The following OCA2 variants were observed in gnomAD, a reference collection of about 807,000 sequenced individuals.
The protein encoded by OCA2 is OCA2 melanosomal transmembrane protein.
In OCA2, 77 loss-of-function variants were observed where a neutral mutation model predicts 100.2. That is an observed-to-expected ratio of 0.77 (90% confidence interval 0.64 to 0.93). The LOEUF (loss-of-function observed/expected upper bound fraction) is 0.93, where lower values mean the gene tolerates loss of function less well. Among genes scored for constraint, OCA2 ranks in the 40% least tolerant of loss-of-function variants. The probability of loss-of-function intolerance (pLI) is 0.00; values close to 1 mark genes in which losing one functional copy is unlikely to be tolerated. For synonymous variants in OCA2, 432 were observed against 439.2 expected, an observed-to-expected ratio of 0.98 and a Z score of 0.21; for missense variants, 1,062 against 1,089.1, an observed-to-expected ratio of 0.98 and a Z score of 0.35.
chr15:27,743,514 TCTGCCCAGGAAG>T, the OCA2 span, among the ~76,000 whole-genome samples: 3 of 152,134 alleles, frequency 2.0e-5, no homozygotes, highest in South Asian at 6.2e-4. Flanking sequence ...CTCTCCTCCG[TCTGCCCAGGAAG>T]CTTATTCCAG....
intron 14 of OCA2, among the ~76,000 whole-genome samples, chr15:27,976,000 G>A (rs1265186759): frequency 6.6e-6 from 1 of 152,012 alleles, no homozygotes; most frequent in Non-Finnish European, 1.5e-5. Flanking sequence ...GCGTATGTTT[G>A]GTCATATGCA....
chr15:27,796,063 G>A (rs147249835), intron 23 of OCA2, among the ~76,000 whole-genome samples: 20 of 152,326 alleles, frequency 1.3e-4, no homozygotes, highest in Non-Finnish European at 1.0e-4. Context: ...GCCTGGTTAC[G>A]TACTCCCAGA....
intron 9 of OCA2, among the ~76,000 whole-genome samples, chr15:27,995,081 T>A (rs1021756100): frequency 3.9e-5 from 6 of 152,188 alleles, no homozygotes; most frequent in African/African-American, 1.4e-4. Flanking sequence ...CTATCACAGT[T>A]ATAAATAAGT....
chr15:28,052,427 T>G (rs1386288978), intron 2 of OCA2, among the ~76,000 whole-genome samples: 1 of 152,188 alleles, frequency 6.6e-6, no homozygotes, highest in Middle Eastern at 3.2e-3. Context: ...TCACGCCTTC[T>G]GCTGAGAGGC....
At chr15:28,077,695 A>G (rs1284702889) in intron 2 of OCA2, among the ~76,000 whole-genome samples, 2 of 152,228 alleles carry the variant, frequency 1.3e-5, no homozygotes, top group African/African-American at 4.8e-5. Context: ...TCACGTCCCA[A>G]TATAAAATGA....
At chr15:27,871,963 AAAAT>A in intron 19 of OCA2, 41 bp from the exon 20 acceptor site, 9 of 1,407,186 alleles carry the variant, frequency 6.4e-6, no homozygotes, top group Non-Finnish European at 9.1e-6. Flanking sequence ...TTTAGAACCG[AAAAT>A]ATATGCAAGA....
chr15:27,994,500 AC>A (rs1187723797), intron 9 of OCA2, among the ~76,000 whole-genome samples: 5 of 152,052 alleles, frequency 3.3e-5, no homozygotes, highest in African/African-American at 1.2e-4. Flanking sequence ...CACAGAACGC[AC>A]CACCTAGCTT....
chr15:28,037,463 C>T (rs762971987), intron 2 of OCA2, among the ~76,000 whole-genome samples: 5 of 152,094 alleles, frequency 3.3e-5, no homozygotes, highest in Non-Finnish European at 5.9e-5. Flanking sequence ...AGAGACAGGC[C>T]GCAGACAGCA....
chr15:27,870,826 AAGAAAG>A (rs2036536083), intron 21 of OCA2, among the ~76,000 whole-genome samples: 1 of 150,572 alleles, frequency 6.6e-6, no homozygotes, highest in East Asian at 1.9e-4. Flanking sequence ...GAGAGAAAGA[AAGAAAG>A]AGAAAGAAAG....
intron 21 of OCA2, among the ~76,000 whole-genome samples, chr15:27,858,365 C>T (rs1260586015): frequency 1.4e-5 from 2 of 146,046 alleles, no homozygotes; most frequent in African/African-American, 5.1e-5. Flanking sequence ...TAGAGTGAAA[C>T]TCTGCCTCCA....
the OCA2 span, among the ~76,000 whole-genome samples, chr15:27,719,783 G>A: frequency 6.6e-6 from 1 of 152,196 alleles, no homozygotes; most frequent in Admixed American, 6.5e-5. Flanking sequence ...GATAGGAAGT[G>A]CAAGATTGGG....
At chr15:28,042,254 C>T (rs866102601) in intron 2 of OCA2, among the ~76,000 whole-genome samples, 1 of 151,898 alleles carries the variant, frequency 6.6e-6, no homozygotes, top group Non-Finnish European at 1.5e-5. Context: ...GTACTGAAAC[C>T]CTGAAATACA....
chr15:27,869,490 AT>A (rs2036458796), intron 21 of OCA2, among the ~76,000 whole-genome samples: 1 of 152,224 alleles, frequency 6.6e-6, no homozygotes, highest in Non-Finnish European at 1.5e-5. Context: ...CTCTGATTCC[AT>A]TTTTTAAAGT....
At chr15:27,870,830 A>G (rs571948765) in intron 21 of OCA2, among the ~76,000 whole-genome samples, 1 of 151,210 alleles carries the variant, frequency 6.6e-6, no homozygotes, top group African/African-American at 2.5e-5. Context: ...GAAAGAAAGA[A>G]AGAGAAAGAA....
In OCA2 at chr15:27,980,894, T is replaced by G. The variant is rs138509957; in HGVS notation, c.1503+2451A>C. On this transcript the variant is annotated intron_variant, in intron 14 of 23. Coordinates refer to ENST00000354638, the MANE Select transcript of OCA2 (RefSeq NM_000275.3). Reference sequence around the variant, plus strand: ...TCTTGGGCTCTGGCTTCATTGAACTTCTTGATTCTGTGGGTTTATACCATT... The same window carrying G: ...TCTTGGGCTCTGGCTTCATTGAACTGCTTGATTCTGTGGGTTTATACCATT... Among the ~76,000 whole-genome samples the G allele has an allele frequency of 6.0e-3, 910 of 152,348 alleles. 17 individuals carry two copies. The highest frequency in any genetic ancestry group is 0.021 in the African/African-American group (866 of 41,584).
intron 19 of OCA2, among the ~76,000 whole-genome samples, chr15:27,905,496 C>A (rs2594908): frequency 6.6e-6 from 1 of 152,018 alleles, no homozygotes; most frequent in Non-Finnish European, 1.5e-5. Flanking sequence ...TCCACCAGAA[C>A]GGGCCAGGGG....
intron 23 of OCA2, among the ~76,000 whole-genome samples, chr15:27,770,969 CCCTT>C (rs1566949536): frequency 1.9e-5 from 1 of 53,926 alleles, no homozygotes; most frequent in African/African-American, 5.6e-5. Flanking sequence ...CTTCCTCCCT[CCCTT>C]CCTTTCCTTC....
intron 23 of OCA2, among the ~76,000 whole-genome samples, chr15:27,833,730 T>C (rs2035045838): frequency 6.6e-6 from 1 of 152,110 alleles, no homozygotes; most frequent in Non-Finnish European, 1.5e-5. Flanking sequence ...AGAGAGAAAT[T>C]TCCCCTTAGA....
At chr15:27,855,797 T>A (rs768547) in intron 21 of OCA2, among the ~76,000 whole-genome samples, 28,666 of 151,870 alleles carry the variant, frequency 0.19, 3,894 homozygotes, top group East Asian at 0.56. Context: ...GACAGAAAAA[T>A]TTAAAACTAA....
Sources: allele counts gnomAD v4.1 joint callset (sites outside exome capture counted in the v4.1 genomes callset), GRCh38; gene constraint gnomAD v4.1.1; transcripts MANE v1.5; gene names NCBI Gene and HGNC (gene_info 2026-07-23, HGNC 2026-07-21).